The following WDFY2 variants were observed in gnomAD, a reference collection of about 807,000 sequenced individuals.
WDFY2 encodes WD repeat and FYVE domain-containing protein 2.
A neutral mutation model predicts 56.4 loss-of-function variants in WDFY2; 36 were observed. The ratio of observed to expected loss-of-function variants is 0.64; its 90% CI spans 0.49 to 0.84. The LOEUF (loss-of-function observed/expected upper bound fraction) is 0.84, where lower values mean the gene tolerates loss of function less well. WDFY2 is among the 40% of genes least tolerant of loss of function. WDFY2 has a pLI of 0.00. For missense variants in WDFY2, 444 were observed against 512.2 expected (o/e 0.87, Z 1.29); for synonymous variants, 176 against 183.7 (o/e 0.96, Z 0.34).
At chr13:51,702,186 C>G (rs759881675) in intron 3 of WDFY2, among the ~76,000 whole-genome samples, 1 of 151,948 alleles carries the variant, frequency 6.6e-6, no homozygotes, top group Admixed American at 6.6e-5. Context: ...GTGGCATGCA[C>G]CTATAATCCC....
chr13:51,721,514 G>A lies in WDFY2; in HGVS notation c.485+2166G>A, dbSNP rs115087480. Among the ~76,000 whole-genome samples, 684 of 152,058 alleles carry A rather than the reference G, an allele frequency of 4.5e-3. 4 individuals are homozygous for A. The highest frequency in any genetic ancestry group is 0.016 in the African/African-American group (650 of 41,468). On this transcript the variant is annotated intron_variant, in intron 5 of 11. Coordinates refer to ENST00000298125, the MANE Select transcript of WDFY2 (RefSeq NM_052950.4). Reference sequence around the variant, plus strand: ...TATAACCACCACAGCTCCTCCCTTCGAGCATCTCCAGGAGTCATCCTCATT... The same window carrying A: ...TATAACCACCACAGCTCCTCCCTTCAAGCATCTCCAGGAGTCATCCTCATT...
At chr13:51,609,070 T>A (rs1382422197) in intron 1 of WDFY2, among the ~76,000 whole-genome samples, 1 of 152,088 alleles carries the variant, frequency 6.6e-6, no homozygotes, top group African/African-American at 2.4e-5. Flanking sequence ...TAGGGGGAAG[T>A]GTATCTTCCT....
intron 1 of WDFY2, among the ~76,000 whole-genome samples, chr13:51,621,970 T>A (rs1381046507): frequency 7.2e-5 from 11 of 152,240 alleles, no homozygotes; most frequent in Non-Finnish European, 1.6e-4. Flanking sequence ...AAGCTTTTTT[T>A]GCTCAATGTA....
At chr13:51,607,493 T>C (rs958823009) in intron 1 of WDFY2, among the ~76,000 whole-genome samples, 1 of 152,112 alleles carries the variant, frequency 6.6e-6, no homozygotes, top group Non-Finnish European at 1.5e-5. Flanking sequence ...TGAGAACATT[T>C]TTGCAAACAA....
intron 1 of WDFY2, among the ~76,000 whole-genome samples, chr13:51,599,720 G>T (rs1309834284): frequency 6.6e-6 from 1 of 152,074 alleles, no homozygotes; most frequent in Admixed American, 6.5e-5. Flanking sequence ...AAAACTTGCT[G>T]CCTTACTAAA....
At chr13:51,679,103 G>A (rs1001319768) in intron 3 of WDFY2, among the ~76,000 whole-genome samples, 13 of 152,150 alleles carry the variant, frequency 8.5e-5, no homozygotes. Flanking sequence ...CTTGATTCAG[G>A]ATGAGTAGTA....
At chr13:51,632,501 T>C (rs1036999035) in intron 1 of WDFY2, among the ~76,000 whole-genome samples, 10 of 152,210 alleles carry the variant, frequency 6.6e-5, no homozygotes, top group African/African-American at 2.2e-4. Context: ...TCTTGTGCTT[T>C]CTGGGAGATT....
chr13:51,743,931 G>A (rs1224285536), intron 7 of WDFY2, among the ~76,000 whole-genome samples: 1 of 152,216 alleles, frequency 6.6e-6, no homozygotes, highest in African/African-American at 2.4e-5. Context: ...GACAGAGGGC[G>A]AGAGCCTAAT....
At chr13:51,744,788 A>C (rs993160976) in intron 7 of WDFY2, among the ~76,000 whole-genome samples, 9 of 152,258 alleles carry the variant, frequency 5.9e-5, no homozygotes, top group Admixed American at 5.9e-4. Flanking sequence ...TAAACGCTAC[A>C]GTGATGTCAG....
rs1955287408 is a variant in WDFY2 at position 51,647,746 on chromosome 13, C to A, written c.138-12850C>A. ...CTGCCTTCCTGCCTGGGCAACAAAG[C>A]AAGACCATGTCTCTCTCTTAAAAAA... is the stretch of plus-strand genomic sequence containing the variant. On this transcript the variant is annotated intron_variant, in intron 1 of 11. Coordinates refer to ENST00000298125, the MANE Select transcript of WDFY2 (RefSeq NM_052950.4). Among the ~76,000 whole-genome samples, 4 of 135,884 alleles carry A rather than the reference C, an allele frequency of 2.9e-5. No individual in the cohort carries two copies. The Admixed American group carries it at 3.2e-4, about 11-fold the overall frequency. The allele number at this position is 135,884 out of a possible 152,430, so 89.1% of individuals were successfully genotyped here. A position where few individuals can be genotyped will look rare whatever the true frequency, so the allele number is the denominator to read the frequency against.
At chr13:51,753,665 CT>C (rs1650754890) in intron 8 of WDFY2, among the ~76,000 whole-genome samples, 1 of 152,050 alleles carries the variant, frequency 6.6e-6, no homozygotes, top group Non-Finnish European at 1.5e-5. Context: ...CTTTATTGGT[CT>C]TTAGCTCCCA....
chr13:51,751,563 T>G (rs1953238438), intron 8 of WDFY2, 148 bp downstream of exon 8: 2 of 770,964 alleles, frequency 2.6e-6, no homozygotes, highest in African/African-American at 3.6e-5. Flanking sequence ...TTGGGTTGTT[T>G]TTTTTTTCCC....
chr13:51,716,557 G>A (rs1952351929), intron 4 of WDFY2, among the ~76,000 whole-genome samples: 1 of 150,364 alleles, frequency 6.7e-6, no homozygotes, highest in Non-Finnish European at 1.5e-5. Flanking sequence ...GCCGGGCGTA[G>A]TGGCGGGCGC....
intron 7 of WDFY2, among the ~76,000 whole-genome samples, chr13:51,749,313 G>GT (rs1953174589): frequency 6.6e-6 from 1 of 151,952 alleles, no homozygotes; most frequent in Non-Finnish European, 1.5e-5. Flanking sequence ...AGTATAAAGG[G>GT]ATTGTGAGAC....
intron 1 of WDFY2, among the ~76,000 whole-genome samples, chr13:51,647,596 AT>A (rs1464972501): frequency 6.6e-6 from 1 of 152,072 alleles, no homozygotes; most frequent in Admixed American, 6.5e-5. Flanking sequence ...TCTCTATAAA[AT>A]TTTTTAAAAA....
At chr13:51,654,245 T>G (rs1369158841) in intron 1 of WDFY2, among the ~76,000 whole-genome samples, 1 of 152,234 alleles carries the variant, frequency 6.6e-6, no homozygotes, top group African/African-American at 2.4e-5. Context: ...TTGCTAAGAC[T>G]GTCGGAAAAG....
At chr13:51,700,489 T>G (rs983753239) in intron 3 of WDFY2, among the ~76,000 whole-genome samples, 1 of 152,224 alleles carries the variant, frequency 6.6e-6, no homozygotes, top group Non-Finnish European at 1.5e-5. Context: ...ATAAAATCTT[T>G]TAAAAACTCA....
intron 3 of WDFY2, among the ~76,000 whole-genome samples, chr13:51,695,202 C>T (rs1180953320): frequency 1.3e-5 from 2 of 152,252 alleles, no homozygotes; most frequent in African/African-American, 2.4e-5. Flanking sequence ...ATTCTCCGTC[C>T]AGCTTTGTTC....
At chr13:51,629,663 A>G (rs939049010) in intron 1 of WDFY2, among the ~76,000 whole-genome samples, 1 of 152,154 alleles carries the variant, frequency 6.6e-6, no homozygotes, top group Non-Finnish European at 1.5e-5. Flanking sequence ...GTCATGGAGA[A>G]TTTAAAAACC....
Sources: gnomAD v4.1 joint callset for allele counts (sites outside exome capture counted in the v4.1 genomes callset) on GRCh38, gnomAD v4.1.1 for gene constraint, MANE v1.5 for transcripts, NCBI Gene and HGNC (gene_info 2026-07-23, HGNC 2026-07-21) for gene names.